NDUFC2: variants seen among roughly 807,000 people sequenced by gnomAD.
NDUFC2 encodes NADH dehydrogenase [ubiquinone] 1 subunit C2.
In NDUFC2, 2 loss-of-function variants were observed where a neutral mutation model predicts 10.1. The ratio of observed to expected loss-of-function variants is 0.20; its 90% confidence interval spans 0.08 to 0.62. The LOEUF is 0.62. Among genes scored for constraint, NDUFC2 ranks in the 20% least tolerant of loss-of-function variants. The probability of loss-of-function intolerance (pLI) is 0.87; values close to 1 mark genes in which losing one functional copy is unlikely to be tolerated. For synonymous variants in NDUFC2, 61 were observed against 63.6 expected, an observed-to-expected ratio of 0.96 and a Z score of 0.20; for missense variants, 156 against 159.6, an observed-to-expected ratio of 0.98 and a Z score of 0.12.
chr11:78,070,784 C>A (rs934583729), intron 2 of NDUFC2, among the ~76,000 whole-genome samples: 7 of 152,234 alleles, frequency 4.6e-5, no homozygotes, highest in Admixed American at 4.6e-4. Flanking sequence ...GTCAAGCTCT[C>A]CGGGCTCCCA....
At chr11:78,072,763 A>T (rs1859062728) in intron 2 of NDUFC2, 2 of 589,240 alleles carry the variant, frequency 3.4e-6, no homozygotes. Context: ...GAAGCAGGAC[A>T]CAGAGGAGCA....
Position 78,079,648 on chromosome 11 carries a change from T to G in NDUFC2, c.97A>C (p.Ile33Leu), listed in dbSNP as rs749516547. Residue 33 changes from isoleucine (I) to leucine (L), a missense_variant, in exon 1 of 3, where the codon ATC becomes CTC. By Grantham distance (5) the Ile-to-Leu change is conservative. Coordinates refer to ENST00000281031, the MANE Select transcript of NDUFC2 (RefSeq NM_004549.6). Reference sequence around the variant, plus strand: ...CCGGAGCAGTAGCCCAAGAAGCCGATGTAGAGGAGCCGCGGGTCGGTCAGC... The same window carrying G: ...CCGGAGCAGTAGCCCAAGAAGCCGAGGTAGAGGAGCCGCGGGTCGGTCAGC... ...PKLTDPRLLYIGFLGYCSGLI... is the reference protein window; with the variant it reads ...PKLTDPRLLYLGFLGYCSGLI... 1 of 1,597,654 alleles carries G rather than the reference T, an allele frequency of 6.3e-7. No homozygotes were observed. Among genetic ancestry groups the G allele is most frequent in the Non-Finnish European group, 8.5e-7 (1 of 1,172,766 alleles).
In NDUFC2 at chr11:78,078,728, C is replaced by CTTTTTTTTTTTTTTTTTTTTTTTTTTT. The variant is rs71046953; in HGVS notation, c.166+850_166+851insAAAAAAAAAAAAAAAAAAAAAAAAAAA. 8.0e-4 allele frequency among the ~76,000 whole-genome samples: 49 copies of CTTTTTTTTTTTTTTTTTTTTTTTTTTT among 61,602 alleles called. 16 individuals are homozygous for CTTTTTTTTTTTTTTTTTTTTTTTTTTT. Among genetic ancestry groups the CTTTTTTTTTTTTTTTTTTTTTTTTTTT allele is most frequent in the African/African-American group, 1.4e-3 (23 of 16,014 alleles). The allele number at this position is 61,602 out of a possible 152,430, so 40.4% of individuals were successfully genotyped here. On this transcript the variant is annotated intron_variant, in intron 1 of 2. Transcript: ENST00000281031. ...CCCAGACCTCATGAATCAGGATCCGCTTTTTTTTTTTTTTTGAGACAGGGT... is the reference window on the plus strand; with the variant it reads ...CCCAGACCTCATGAATCAGGATCCGCTTTTTTTTTTTTTTTTTTTTTTTTTTTTTTTTTTTTTTTTTTGAGACAGGGT...
At chr11:78,073,197 G>A in intron 1 of NDUFC2, 56 bp from the exon 2 acceptor site, 1 of 1,607,648 alleles carries the variant, frequency 6.2e-7, no homozygotes, top group Non-Finnish European at 8.5e-7. Context: ...TGTGTATTAA[G>A]AGTTACATTT....
At chr11:78,079,482 G>T (rs1859413617) in intron 1 of NDUFC2, 97 bp downstream of exon 1, 1 of 1,443,972 alleles carries the variant, frequency 6.9e-7, no homozygotes, top group East Asian at 2.7e-5. Flanking sequence ...AAAAAGGCAC[G>T]GAAAAGCAGA....
intron 2 of NDUFC2, among the ~76,000 whole-genome samples, chr11:78,071,251 A>G (rs1402390527): frequency 1.4e-5 from 2 of 146,704 alleles, no homozygotes; most frequent in Non-Finnish European, 3.0e-5. Context: ...CATTAACAGA[A>G]GAATTTTTTT....
intron 1 of NDUFC2, among the ~76,000 whole-genome samples, chr11:78,073,892 G>T (rs1859132187): frequency 2.1e-5 from 3 of 144,574 alleles, no homozygotes; most frequent in African/African-American, 2.6e-5. Context: ...TTTTTTTTGA[G>T]ACAGGGTCTA....
At position 78,075,333 on chromosome 11, in the gene NDUFC2, C is replaced by G. The variant is rs983722753; in HGVS notation, c.167-2192G>C. 2.6e-5 allele frequency among the ~76,000 whole-genome samples: 4 copies of G among 152,028 alleles called. 1 individual carries two copies. Among genetic ancestry groups the G allele is most frequent in the Admixed American group, 2.6e-4 (4 of 15,250 alleles). On this transcript the variant is annotated intron_variant, in intron 1 of 2. Coordinates refer to ENST00000281031, the MANE Select transcript of NDUFC2 (RefSeq NM_004549.6). Reference sequence around the variant, plus strand: ...GTTAATAATAATTTGTTGTATAGTTCAAAATTGCTGAAGGAGAGGAATTTG... The same window carrying G: ...GTTAATAATAATTTGTTGTATAGTTGAAAATTGCTGAAGGAGAGGAATTTG...
chr11:78,079,823 A>G lies in NDUFC2; in HGVS notation c.-79T>C. 1 of 1,493,536 alleles carries G rather than the reference A, an allele frequency of 6.7e-7. No individual in the cohort carries two copies. The highest frequency in any genetic ancestry group is 8.9e-7 in the Non-Finnish European group (1 of 1,121,342). The allele number at this position is 1,493,536 out of a possible 1,614,324, so 92.5% of individuals were successfully genotyped here. On this transcript the variant is annotated 5_prime_UTR_variant, in exon 1 of 3. Coordinates refer to ENST00000281031, the MANE Select transcript of NDUFC2 (RefSeq NM_004549.6). ...ACCACGACGACCACTACCCCGGCCT[A>G]AGCGGTCAGCTTTCTCCTCCTCCTC...
At position 78,072,280 on chromosome 11, in the gene NDUFC2, C is replaced by T. The variant is rs554663345; in HGVS notation, c.310+718G>A. On this transcript the variant is annotated intron_variant, in intron 2 of 2. Coordinates refer to ENST00000281031, the MANE Select transcript of NDUFC2 (RefSeq NM_004549.6). ...GCAACCTCCGCCTCCCAGGTTCAAG[C>T]GATTCTCCTGCCTCAGCCTCCCAAG... is the stretch of plus-strand genomic sequence containing the variant. Among the ~76,000 whole-genome samples, 250 of 152,228 alleles carry T rather than the reference C, an allele frequency of 1.6e-3. 1 individual carries two copies. The highest frequency in any genetic ancestry group is 2.7e-3 in the Non-Finnish European group (187 of 68,012).
chr11:78,073,287 T>C, intron 1 of NDUFC2, 146 bp from the exon 2 acceptor site: 1 of 1,241,664 alleles, frequency 8.1e-7, no homozygotes, highest in Non-Finnish European at 1.1e-6. Context: ...AGGTCAGGAG[T>C]TCGAGACCAG....
chr11:78,071,465 G>A (rs915454441), intron 2 of NDUFC2, among the ~76,000 whole-genome samples: 10 of 151,938 alleles, frequency 6.6e-5, no homozygotes, highest in African/African-American at 2.2e-4. Flanking sequence ...CTATGTTGCC[G>A]AGACTGGGGA....
intron 1 of NDUFC2, among the ~76,000 whole-genome samples, chr11:78,073,750 C>T (rs1030488743): frequency 2.9e-5 from 4 of 139,336 alleles, no homozygotes; most frequent in Non-Finnish European, 6.1e-5. Context: ...TGCAGTGAGC[C>T]GAGATCGCGC....
At chr11:78,079,229 T>C (rs766105528) in intron 1 of NDUFC2, among the ~76,000 whole-genome samples, 3 of 152,142 alleles carry the variant, frequency 2.0e-5, no homozygotes, top group Non-Finnish European at 4.4e-5. Flanking sequence ...AAAAGTGTTT[T>C]AAGGCCGAAA....
chr11:78,073,020 A>G lies in NDUFC2; in HGVS notation c.288T>C (p.His96=), dbSNP rs374431874. 6.2e-7 allele frequency: 1 copy of G among 1,613,162 alleles called. No homozygotes were observed. Among genetic ancestry groups the G allele is most frequent in the East Asian group, 2.2e-5 (1 of 44,866 alleles). ...DREMFGYMKL[H]PEDFPEEDKK... The stretch of plus-strand genomic sequence containing the variant: ...TACCTTCTTCAGGAAAATCCTCTGG[A>G]TGTAATTTCATATATCCAAACATTT... Residue 96 remains histidine (H), a synonymous_variant, in exon 2 of 3, where the codon CAT becomes CAC. Transcript: ENST00000281031.
chr11:78,079,789 A>G lies in NDUFC2; in HGVS notation c.-45T>C. On this transcript the variant is annotated 5_prime_UTR_variant, in exon 1 of 3. Transcript: ENST00000281031. ...GAGGCCTGGTCTCAGACCACGAACT[A>G]CAAGGAAAACCACGACGACCACTAC... The G allele has an allele frequency of 1.3e-6, 2 of 1,564,800 alleles. No individual in the cohort carries two copies. The highest frequency in any genetic ancestry group is 1.2e-5 in the South Asian group (1 of 84,644).
intron 1 of NDUFC2, among the ~76,000 whole-genome samples, chr11:78,076,987 A>G (rs1018082204): frequency 3.3e-5 from 5 of 152,216 alleles, no homozygotes; most frequent in Non-Finnish European, 5.9e-5. Context: ...CATAGGGCAC[A>G]TAACAGAGAA....
At position 78,079,677 on chromosome 11, in the gene NDUFC2, G is replaced by A; in HGVS notation, c.68C>T (p.Pro23Leu). The A allele has an allele frequency of 6.2e-7, 1 of 1,609,560 alleles. No individual in the cohort carries two copies. The highest frequency in any genetic ancestry group is 1.1e-5 in the South Asian group (1 of 90,100). ...LPDEARSLPP[P>L]KLTDPRLLYI... ...GAGGAGCCGCGGGTCGGTCAGCTTGGGCGGGGGCAGGCTCCGGGCCTCATC... is the reference window on the plus strand; with the variant it reads ...GAGGAGCCGCGGGTCGGTCAGCTTGAGCGGGGGCAGGCTCCGGGCCTCATC... The change falls in exon 1 of 3, where the codon CCC becomes CTC. Residue 23 changes from proline (P) to leucine (L), a missense_variant. Coordinates refer to ENST00000281031, the MANE Select transcript of NDUFC2 (RefSeq NM_004549.6).
At chr11:78,075,601 T>C (rs1184717643) in intron 1 of NDUFC2, among the ~76,000 whole-genome samples, 1 of 152,244 alleles carries the variant, frequency 6.6e-6, no homozygotes, top group Admixed American at 6.5e-5. Flanking sequence ...TATTCATTAT[T>C]ATGAGACAGA....
Sources: allele counts gnomAD v4.1 joint callset (sites outside exome capture counted in the v4.1 genomes callset), GRCh38; gene constraint gnomAD v4.1.1; transcripts MANE v1.5; gene names NCBI Gene and HGNC (gene_info 2026-07-23, HGNC 2026-07-21).